The following NT5C2 variants were observed in gnomAD, a reference collection of about 807,000 sequenced individuals.
NT5C2 encodes the protein 5'-nucleotidase, cytosolic II.
In NT5C2, 58 loss-of-function variants were observed where a neutral mutation model predicts 76.1. That is an observed-to-expected ratio of 0.76 (90% CI 0.62 to 0.95). The LOEUF is 0.95. NT5C2 is among the 40% of genes least tolerant of loss of function. The pLI, the probability that NT5C2 is intolerant of heterozygous loss-of-function variation, is 0.00. For synonymous variants in NT5C2, 229 were observed against 237.4 expected (o/e 0.96, Z 0.32); for missense variants, 478 against 690.3 (o/e 0.69, Z 3.45).
chr10:103,138,715 A>C (rs972483403), intron 4 of NT5C2, among the ~76,000 whole-genome samples: 3 of 152,234 alleles, frequency 2.0e-5, no homozygotes, highest in African/African-American at 7.2e-5. Flanking sequence ...CTGTGTTAAG[A>C]ATAACATACT....
Position 103,149,157 on chromosome 10 carries a change from G to A in NT5C2, c.102-9678C>T, listed in dbSNP as rs1228247298. ...TGGTTGATATTTTCCCCAGGTGACC[G>A]AAAGAAGCGAAAGCAAATCCTCTCT... On this transcript the variant is annotated intron_variant, in intron 3 of 18. Coordinates refer to ENST00000404739, the MANE Select transcript of NT5C2 (RefSeq NM_001351169.2). Among the ~76,000 whole-genome samples the A allele has an allele frequency of 5.9e-5, 9 of 152,224 alleles. No homozygotes were observed. The South Asian group carries it at 1.5e-3, about 25-fold the overall frequency.
At chr10:103,169,497 T>C (rs907361391) in intron 3 of NT5C2, 6 of 152,148 alleles carry the variant, frequency 3.9e-5, no homozygotes, top group South Asian at 4.1e-4. Flanking sequence ...TACACGCCTG[T>C]AGTCCCAGCT....
chr10:103,163,447 G>A (rs1428808343), intron 3 of NT5C2, among the ~76,000 whole-genome samples: 1 of 152,046 alleles, frequency 6.6e-6, no homozygotes, highest in African/African-American at 2.4e-5. Context: ...ACTTGATATT[G>A]TCAATATTTT....
rs1469543084 is a variant in NT5C2, at chr10:103,090,778, G to GAGTT, written c.1278_1281dup (p.His428AsnfsTer3). On this transcript the variant is annotated frameshift_variant, in exon 18 of 19. Transcript: ENST00000404739. LOFTEE classifies it high-confidence loss of function. ...ATCCCATAGCACATGTCCATGTCATGAGTTACTTTCTAAAACAAAGAACAA... is the reference window on the plus strand; with the variant it reads ...ATCCCATAGCACATGTCCATGTCATGAGTTAGTTACTTTCTAAAACAAAGAACAA... The GAGTT allele has an allele frequency of 3.7e-6, 6 of 1,613,910 alleles. No homozygotes were observed. Among genetic ancestry groups the GAGTT allele is most frequent in the South Asian group, 1.1e-5 (1 of 91,006 alleles).
chr10:103,174,360 G>A (rs1287672344), intron 3 of NT5C2, among the ~76,000 whole-genome samples: 3 of 151,862 alleles, frequency 2.0e-5, no homozygotes, highest in East Asian at 1.9e-4. Context: ...AACTGAGACT[G>A]CACCACTGCA....
At chr10:103,117,449 T>G (rs1236868731) in intron 4 of NT5C2, among the ~76,000 whole-genome samples, 1 of 152,144 alleles carries the variant, frequency 6.6e-6, no homozygotes, top group African/African-American at 2.4e-5. Context: ...CAGTTCAAGA[T>G]CCAACTGGGC....
intron 6 of NT5C2, among the ~76,000 whole-genome samples, chr10:103,105,019 C>T (rs1241133290): frequency 1.3e-5 from 2 of 151,994 alleles, no homozygotes; most frequent in East Asian, 3.9e-4. Context: ...CAGAAGTTGT[C>T]AAATTGTGGC....
At position 103,152,492 on chromosome 10, in the gene NT5C2, C is replaced by G. The variant is rs573089103; in HGVS notation, c.102-13013G>C. On this transcript the variant is annotated intron_variant, in intron 3 of 18. Transcript: ENST00000404739. ...AAGTTGTAAATGTGAGGCTCTGGAA[C>G]CACTTCAAATTTTCTTACAGAACAA... is the stretch of plus-strand genomic sequence containing the variant. Among the ~76,000 whole-genome samples, 265 of 152,166 alleles carry G rather than the reference C, an allele frequency of 1.7e-3. 1 individual carries two copies. The highest frequency in any genetic ancestry group is 5.9e-3 in the African/African-American group (247 of 41,540).
intron 4 of NT5C2, among the ~76,000 whole-genome samples, chr10:103,123,823 C>A (rs1274667208): frequency 2.0e-5 from 3 of 151,374 alleles, no homozygotes; most frequent in African/African-American, 7.3e-5. Context: ...CACAAGAGAG[C>A]CAAAAAACTC....
intron 10 of NT5C2, among the ~76,000 whole-genome samples, chr10:103,097,755 T>C (rs1248990230): frequency 6.6e-6 from 1 of 152,200 alleles, no homozygotes; most frequent in Non-Finnish European, 1.5e-5. Context: ...ATGCTCTACA[T>C]AGAGATTATT....
At chr10:103,107,229 A>C (rs1464101612) in intron 4 of NT5C2, among the ~76,000 whole-genome samples, 1 of 152,220 alleles carries the variant, frequency 6.6e-6, no homozygotes, top group Non-Finnish European at 1.5e-5. Context: ...TCCAATCAAC[A>C]TATTTGTTCC....
chr10:103,149,823 T>A (rs1669005844), intron 3 of NT5C2, among the ~76,000 whole-genome samples: 1 of 151,826 alleles, frequency 6.6e-6, no homozygotes, highest in Non-Finnish European at 1.5e-5. Flanking sequence ...TAAAATTCAT[T>A]TTGGCCTTTT....
intron 3 of NT5C2, among the ~76,000 whole-genome samples, chr10:103,160,742 C>T (rs1251708965): frequency 6.6e-6 from 1 of 152,140 alleles, no homozygotes; most frequent in East Asian, 1.9e-4. Context: ...GGGCCAGGCA[C>T]GGTGGCTCAC....
chr10:103,139,381 T>C (rs1241701939), intron 4 of NT5C2, 25 bp downstream of exon 4: 1 of 1,508,776 alleles, frequency 6.6e-7, no homozygotes, highest in Admixed American at 1.9e-5. Context: ...CAGCAGTTCT[T>C]AAGCAATCAG....
At chr10:103,129,917 CGGGA>C (rs2077730480) in intron 4 of NT5C2, among the ~76,000 whole-genome samples, 1 of 96,298 alleles carries the variant, frequency 1.0e-5, no homozygotes, top group Non-Finnish European at 2.1e-5. Context: ...CCGCCCCGTC[CGGGA>C]GGGAGGTGGG....
At chr10:103,136,232 T>G (rs2079202141) in intron 4 of NT5C2, among the ~76,000 whole-genome samples, 1 of 152,270 alleles carries the variant, frequency 6.6e-6, no homozygotes, top group South Asian at 2.1e-4. Context: ...ATTTTAACAT[T>G]ATATGCCTAT....
At position 103,090,800 on chromosome 10, in the gene NT5C2, A is replaced by C. The variant is rs768873923; in HGVS notation, c.1273-13T>G. ...CATGAGTTACTTTCTAAAACAAAGA[A>C]CAAGATTGATTCTTGGCTCATTCAA... On this transcript the variant is annotated splice_polypyrimidine_tract_variant and intron_variant, in intron 17 of 18. Transcript: ENST00000404739. 6.2e-7 allele frequency: 1 copy of C among 1,613,530 alleles called. No homozygotes were observed. Among genetic ancestry groups the C allele is most frequent in the South Asian group, 1.1e-5 (1 of 90,984 alleles).
intron 3 of NT5C2, among the ~76,000 whole-genome samples, chr10:103,166,049 C>G (rs1039494605): frequency 1.3e-5 from 2 of 152,200 alleles, no homozygotes; most frequent in African/African-American, 4.8e-5. Flanking sequence ...AGAAATGATA[C>G]AGAGATTTCA....
chr10:103,172,484 T>TG (rs2088433077), intron 3 of NT5C2, among the ~76,000 whole-genome samples: 1 of 151,764 alleles, frequency 6.6e-6, no homozygotes, highest in Non-Finnish European at 1.5e-5. Context: ...CCTGACCTTG[T>TG]GATCCACCCG....
Sources: allele counts gnomAD v4.1 joint callset (sites outside exome capture counted in the v4.1 genomes callset), GRCh38; gene constraint gnomAD v4.1.1; transcripts MANE v1.5; gene names NCBI Gene and HGNC (gene_info 2026-07-23, HGNC 2026-07-21).